Variants in ELAPOR2 observed in about 807,000 individuals in gnomAD.
ELAPOR2 encodes the protein endosome-lysosome associated apoptosis and autophagy regulator family member 2, also known as endosome/lysosome-associated apoptosis and autophagy regulator family member 2.
A neutral mutation model predicts 120.7 loss-of-function variants in ELAPOR2; 89 were observed. The ratio of observed to expected loss-of-function variants is 0.74; its 90% CI spans 0.62 to 0.88. The LOEUF (loss-of-function observed/expected upper bound fraction) is 0.88, where lower values mean the gene tolerates loss of function less well. Ranked by LOEUF, ELAPOR2 falls within the 40% of genes least tolerant of loss-of-function variation. The probability of loss-of-function intolerance (pLI) is 0.00; values close to 1 mark genes in which losing one functional copy is unlikely to be tolerated. For synonymous variants in ELAPOR2, 444 were observed against 444.9 expected, an observed-to-expected ratio of 1.00 and a Z score of 0.03; for missense variants, 1,134 against 1,251.6, an observed-to-expected ratio of 0.91 and a Z score of 1.42.
At chr7:87,038,578 T>C (rs560590739) in intron 1 of ELAPOR2, among the ~76,000 whole-genome samples, 19 of 152,200 alleles carry the variant, frequency 1.2e-4, no homozygotes, top group Admixed American at 9.8e-4. Flanking sequence ...ACTGAAACAA[T>C]ATCAAGCAGC....
At chr7:86,997,874 C>T (rs934774268) in intron 1 of ELAPOR2, among the ~76,000 whole-genome samples, 2 of 152,116 alleles carry the variant, frequency 1.3e-5, no homozygotes, top group Non-Finnish European at 2.9e-5. Context: ...AGCTATGGTA[C>T]TGAATTACTG....
At chr7:86,961,392 C>T (rs2116465212) in intron 2 of ELAPOR2, among the ~76,000 whole-genome samples, 1 of 152,252 alleles carries the variant, frequency 6.6e-6, no homozygotes, top group South Asian at 2.1e-4. Context: ...GCTATACTCC[C>T]CAAATAAGAG....
intron 2 of ELAPOR2, among the ~76,000 whole-genome samples, chr7:86,953,834 T>C (rs17161117): frequency 0.046 from 6,977 of 152,260 alleles, 537 homozygotes; most frequent in African/African-American, 0.16. Context: ...TACTTAACAG[T>C]GGCCTCAAGT....
chr7:86,927,653 C>T (rs1331177957), intron 8 of ELAPOR2, among the ~76,000 whole-genome samples: 2 of 151,814 alleles, frequency 1.3e-5, no homozygotes, highest in Non-Finnish European at 2.9e-5. Flanking sequence ...TCAGTCAAAC[C>T]CCAAAAGCCA....
intron 2 of ELAPOR2, among the ~76,000 whole-genome samples, chr7:86,957,306 C>A (rs566236536): frequency 5.9e-5 from 9 of 152,216 alleles, no homozygotes; most frequent in African/African-American, 1.9e-4. Context: ...ATGTATAGAA[C>A]AAATTTTTAC....
chr7:86,907,480 T>C (rs1161876452), intron 18 of ELAPOR2, among the ~76,000 whole-genome samples, 190 bp downstream of exon 18: 1 of 151,872 alleles, frequency 6.6e-6, no homozygotes, highest in African/African-American at 2.4e-5. Flanking sequence ...CTAGGAAGTC[T>C]TTAGATTGTA....
intron 21 of ELAPOR2, among the ~76,000 whole-genome samples, chr7:86,883,040 G>A (rs1799493131): frequency 6.6e-6 from 1 of 151,670 alleles, no homozygotes; most frequent in South Asian, 2.1e-4. Flanking sequence ...GTGTGTGTGT[G>A]TGTGTGTGTG....
chr7:86,964,759 A>T, intron 2 of ELAPOR2, 145 bp downstream of exon 2: 1 of 710,772 alleles, frequency 1.4e-6, no homozygotes, highest in Non-Finnish European at 2.3e-6. Flanking sequence ...AGTGATGAGA[A>T]AGGCTGCATT....
intron 9 of ELAPOR2, among the ~76,000 whole-genome samples, chr7:86,926,277 C>T (rs1276694384): frequency 6.6e-6 from 1 of 151,952 alleles, no homozygotes; most frequent in Non-Finnish European, 1.5e-5. Flanking sequence ...ATCATCACAT[C>T]AGTAAGAAAA....
intron 1 of ELAPOR2, among the ~76,000 whole-genome samples, chr7:87,012,150 A>G (rs913225733): frequency 9.9e-5 from 15 of 152,136 alleles, no homozygotes; most frequent in East Asian, 3.9e-4. Context: ...GGTGGCTCAC[A>G]CCTGTAATCC....
chr7:86,989,619 A>C (rs900702758), intron 1 of ELAPOR2, among the ~76,000 whole-genome samples: 6 of 152,110 alleles, frequency 3.9e-5, no homozygotes, highest in Non-Finnish European at 7.4e-5. Flanking sequence ...TTTAGCCCAC[A>C]CTTGATCTCC....
At chr7:87,041,774 A>G (rs1794796022) in intron 1 of ELAPOR2, among the ~76,000 whole-genome samples, 1 of 151,930 alleles carries the variant, frequency 6.6e-6, no homozygotes, top group African/African-American at 2.4e-5. Flanking sequence ...TTAACTTTAA[A>G]CGTAAATGGA....
intron 21 of ELAPOR2, among the ~76,000 whole-genome samples, chr7:86,890,834 C>T (rs1171416743): frequency 6.6e-6 from 1 of 151,886 alleles, no homozygotes. Flanking sequence ...TTAAATAATT[C>T]CCTATATTTA....
Position 86,938,866 on chromosome 7 carries a change from G to T in ELAPOR2, c.942C>A (p.Thr314=), listed in dbSNP as rs778214105. Residue 314 remains threonine, a synonymous_variant, in exon 7 of 22, where the codon ACC becomes ACA. Coordinates refer to ENST00000450689, the MANE Select transcript of ELAPOR2 (RefSeq NM_001142749.3). ...ATTCTTTGGCTCCTTTCTCAGAATAGGTGTTTCTGGGACACACCTGGCAGT... is the reference window on the plus strand; with the variant it reads ...ATTCTTTGGCTCCTTTCTCAGAATATGTGTTTCTGGGACACACCTGGCAGT... ...SFNCQVCPRN[T]YSEKGAKECI... The T allele has an allele frequency of 2.5e-6, 4 of 1,613,362 alleles. No individual in the cohort carries two copies. In the East Asian group the frequency reaches 8.9e-5, roughly 36 times the overall value.
At chr7:86,981,518 T>G (rs1290271786) in intron 1 of ELAPOR2, among the ~76,000 whole-genome samples, 1 of 152,222 alleles carries the variant, frequency 6.6e-6, no homozygotes, top group African/African-American at 2.4e-5. Context: ...CATTAAACCA[T>G]GTGCTCAAAC....
chr7:87,052,431 C>T (rs1408763404), intron 1 of ELAPOR2, among the ~76,000 whole-genome samples: 1 of 152,172 alleles, frequency 6.6e-6, no homozygotes, highest in Non-Finnish European at 1.5e-5. Flanking sequence ...CCCACCAGGT[C>T]CCTCCCACAA....
chr7:87,059,205 CCT>C, intron 1 of ELAPOR2, 118 bp downstream of exon 1: 2 of 1,221,902 alleles, frequency 1.6e-6, no homozygotes, highest in Non-Finnish European at 2.1e-6. Context: ...AACGAAAGCC[CCT>C]GTTCTCCAAG....
intron 1 of ELAPOR2, among the ~76,000 whole-genome samples, chr7:87,054,209 T>G (rs1795197597): frequency 6.6e-6 from 1 of 152,210 alleles, no homozygotes; most frequent in African/African-American, 2.4e-5. Flanking sequence ...GGCTAGTGTT[T>G]TCTGACAATA....
intron 20 of ELAPOR2, among the ~76,000 whole-genome samples, chr7:86,892,420 G>A (rs1045702005): frequency 2.0e-5 from 3 of 151,996 alleles, no homozygotes; most frequent in Non-Finnish European, 4.4e-5. Context: ...TCCTATAAGA[G>A]ATCAAAATAC....
Sources: allele counts gnomAD v4.1 joint callset (sites outside exome capture counted in the v4.1 genomes callset), GRCh38; gene constraint gnomAD v4.1.1; transcripts MANE v1.5; gene names NCBI Gene and HGNC (gene_info 2026-07-23, HGNC 2026-07-21).